The following ADIPOR2 variants were observed in gnomAD, a reference collection of about 807,000 sequenced individuals.
ADIPOR2 encodes the protein adiponectin receptor 2.
In ADIPOR2, 18 loss-of-function variants were observed where a neutral mutation model predicts 40.9. That is an observed-to-expected ratio of 0.44 (90% CI 0.30 to 0.65). The LOEUF is 0.65. ADIPOR2 is among the 30% of genes least tolerant of loss of function. The pLI, the probability that ADIPOR2 is intolerant of heterozygous loss-of-function variation, is 0.09. For synonymous variants in ADIPOR2, 165 were observed against 166.4 expected (o/e 0.99, Z 0.06); for missense variants, 283 against 479.2 (o/e 0.59, Z 3.82).
At chr12:1,712,396 C>T (rs2094679346) in intron 1 of ADIPOR2, among the ~76,000 whole-genome samples, 1 of 152,082 alleles carries the variant, frequency 6.6e-6, no homozygotes, top group Non-Finnish European at 1.5e-5. Flanking sequence ...CATGAGTAGT[C>T]CAGACAGTGA....
At chr12:1,711,492 A>C (rs1322475257) in intron 1 of ADIPOR2, among the ~76,000 whole-genome samples, 1 of 152,064 alleles carries the variant, frequency 6.6e-6, no homozygotes, top group Non-Finnish European at 1.5e-5. Context: ...TACAGGTTGA[A>C]GTTCCACTTA....
chr12:1,786,176 T>A lies in ADIPOR2; in HGVS notation c.*104T>A. 6.8e-7 allele frequency: 1 copy of A among 1,474,172 alleles called. No individual in the cohort carries two copies. Among genetic ancestry groups the A allele is most frequent in the South Asian group, 1.3e-5 (1 of 74,506 alleles). The allele number at this position is 1,474,172 out of a possible 1,614,324, so 91.3% of individuals were successfully genotyped here. ...CAGTACCAGAGGAGCCCCAAAACTT[T>A]GACAGCCTCGTGGGCTTTGTGACGG... is the stretch of plus-strand genomic sequence containing the variant. On this transcript the variant is annotated 3_prime_UTR_variant, in exon 8 of 8. Transcript: ENST00000357103.
At chr12:1,733,558 A>G (rs911205959) in intron 1 of ADIPOR2, among the ~76,000 whole-genome samples, 1 of 152,162 alleles carries the variant, frequency 6.6e-6, no homozygotes, top group Admixed American at 6.5e-5. Flanking sequence ...TTGAATACAT[A>G]CATTTACAGG....
At chr12:1,753,490 C>G (rs530038764) in intron 1 of ADIPOR2, among the ~76,000 whole-genome samples, 1 of 152,292 alleles carries the variant, frequency 6.6e-6, no homozygotes, top group South Asian at 2.1e-4. Context: ...TCTGGGAACC[C>G]AGATGGATGT....
intron 1 of ADIPOR2, among the ~76,000 whole-genome samples, chr12:1,753,177 T>TA (rs1169916877): frequency 6.6e-6 from 1 of 152,198 alleles, no homozygotes; most frequent in African/African-American, 2.4e-5. Flanking sequence ...CTTTCCCCAC[T>TA]AAGAACCTTG....
intron 1 of ADIPOR2, among the ~76,000 whole-genome samples, chr12:1,709,973 C>T (rs1163946385): frequency 6.6e-6 from 1 of 152,182 alleles, no homozygotes; most frequent in East Asian, 1.9e-4. Context: ...TATTTCTGTT[C>T]ATCCTGCCTA....
rs917085406 is a variant in ADIPOR2, at chr12:1,788,070, C to G, written c.*1998C>G. 1 of 152,736 alleles carries G rather than the reference C, an allele frequency of 6.5e-6. No individual in the cohort carries two copies. Among genetic ancestry groups the G allele is most frequent in the Non-Finnish European group, 1.5e-5 (1 of 68,096 alleles). The allele number at this position is 152,736 out of a possible 1,614,324, so 9.5% of individuals were successfully genotyped here. ...CAGCACGTATCAGAAGCCAGACTTG[C>G]TCTTCGGTCATGCACTTTGGGATAC... On this transcript the variant is annotated 3_prime_UTR_variant, in exon 8 of 8. Coordinates refer to ENST00000357103, the MANE Select transcript of ADIPOR2 (RefSeq NM_024551.3).
chr12:1,696,301 C>A, intron 1 of ADIPOR2: 1 of 164,460 alleles, frequency 6.1e-6, no homozygotes, highest in East Asian at 1.4e-4. Flanking sequence ...TCAACAGATT[C>A]ACCAGCAGCA....
chr12:1,720,618 C>T (rs547755225), intron 1 of ADIPOR2, among the ~76,000 whole-genome samples: 2 of 152,084 alleles, frequency 1.3e-5, no homozygotes, highest in African/African-American at 4.8e-5. Context: ...AATCTAATGC[C>T]ACCGCTGATT....
intron 3 of ADIPOR2, among the ~76,000 whole-genome samples, chr12:1,773,716 A>G (rs1157052152): frequency 6.6e-6 from 1 of 152,154 alleles, no homozygotes; most frequent in Non-Finnish European, 1.5e-5. Context: ...ACATTTCTGG[A>G]GAACTCTTTA....
chr12:1,762,474 A>G (rs1310993628), intron 2 of ADIPOR2, among the ~76,000 whole-genome samples: 1 of 152,192 alleles, frequency 6.6e-6, no homozygotes, highest in African/African-American at 2.4e-5. Flanking sequence ...ATAGTTGTTG[A>G]ATGAATTTAT....
chr12:1,766,029 G>A (rs959788210), intron 2 of ADIPOR2, among the ~76,000 whole-genome samples: 4 of 152,160 alleles, frequency 2.6e-5, no homozygotes, highest in African/African-American at 9.7e-5. Context: ...TCTTTACCAT[G>A]TGTTGGCACT....
chr12:1,708,411 G>C (rs189077207), intron 1 of ADIPOR2, among the ~76,000 whole-genome samples: 2 of 152,126 alleles, frequency 1.3e-5, no homozygotes, highest in Admixed American at 1.3e-4. Context: ...TTTTACTTAT[G>C]GTTAGTGCTT....
At chr12:1,763,346 G>T (rs1862308416) in intron 2 of ADIPOR2, among the ~76,000 whole-genome samples, 1 of 152,172 alleles carries the variant, frequency 6.6e-6, no homozygotes. Context: ...GGTAAAGCTG[G>T]GCCTAGAGGA....
intron 2 of ADIPOR2, among the ~76,000 whole-genome samples, chr12:1,761,560 G>A (rs184891179): frequency 6.6e-5 from 10 of 152,320 alleles, no homozygotes; most frequent in African/African-American, 2.2e-4. Context: ...CCTAGTGGGT[G>A]TGAAACGATA....
chr12:1,723,888 T>C (rs1283732228), intron 1 of ADIPOR2, among the ~76,000 whole-genome samples: 1 of 152,056 alleles, frequency 6.6e-6, no homozygotes, highest in East Asian at 1.9e-4. Context: ...CCCATGCTCA[T>C]AGCAGCATTA....
chr12:1,778,776 A>C (rs907784591), intron 4 of ADIPOR2, among the ~76,000 whole-genome samples: 4 of 152,244 alleles, frequency 2.6e-5, no homozygotes, highest in Non-Finnish European at 5.9e-5. Context: ...GAGAATATTT[A>C]CAAATCAGCT....
At chr12:1,764,811 G>T (rs1448386081) in intron 2 of ADIPOR2, among the ~76,000 whole-genome samples, 2 of 151,850 alleles carry the variant, frequency 1.3e-5, no homozygotes, top group Non-Finnish European at 2.9e-5. Context: ...CTTGTATCTG[G>T]CTTCTTTTGC....
chr12:1,691,515 C>T (rs1160305878), intron 1 of ADIPOR2, among the ~76,000 whole-genome samples: 1 of 152,256 alleles, frequency 6.6e-6, no homozygotes, highest in Admixed American at 6.5e-5. Flanking sequence ...CTCTGCTCAC[C>T]TTCGGGTGCA....
Sources: allele counts gnomAD v4.1 joint callset (sites outside exome capture counted in the v4.1 genomes callset), GRCh38; gene constraint gnomAD v4.1.1; transcripts MANE v1.5; gene names NCBI Gene and HGNC (gene_info 2026-07-23, HGNC 2026-07-21).